Variants in CD6 observed in about 807,000 individuals in gnomAD.
CD6 encodes the protein CD6 molecule.
In CD6, 53 loss-of-function variants were observed where a neutral mutation model predicts 75.3. The observed-to-expected ratio is 0.70, with a 90% CI of 0.56 to 0.88. CD6 has a LOEUF of 0.88. Ranked by LOEUF, CD6 falls within the 40% of genes least tolerant of loss-of-function variation. The probability of loss-of-function intolerance (pLI) is 0.00; values close to 1 mark genes in which losing one functional copy is unlikely to be tolerated. For missense variants in CD6, 770 were observed against 897.1 expected, an observed-to-expected ratio of 0.86 and a Z score of 1.81; for synonymous variants, 359 against 381.5, an observed-to-expected ratio of 0.94 and a Z score of 0.69.
In CD6 at chr11:60,978,932, C is replaced by T. The variant is rs114623715; in HGVS notation, c.49+7018C>T. ...GAAATGTTAGCTTATAAATGCTCTA[C>T]AGCAAGACCAAAGATAATCCCTTGC... On this transcript the variant is annotated intron_variant, in intron 1 of 12. Transcript: ENST00000313421. Among the ~76,000 whole-genome samples, 770 of 152,324 alleles carry T rather than the reference C, an allele frequency of 5.1e-3. 11 individuals are homozygous for T. The highest frequency in any genetic ancestry group is 0.017 in the African/African-American group (723 of 41,570).
At chr11:60,979,710 C>T (rs1236791540) in intron 1 of CD6, among the ~76,000 whole-genome samples, 3 of 152,004 alleles carry the variant, frequency 2.0e-5, no homozygotes, top group Non-Finnish European at 4.4e-5. Context: ...TCAGGTGATC[C>T]ACCCGCCCGC....
In CD6 at chr11:61,008,517, C is replaced by T; in HGVS notation, c.470-17C>T. 1 of 1,566,472 alleles carries T rather than the reference C, an allele frequency of 6.4e-7. No individual in the cohort carries two copies. The stretch of plus-strand genomic sequence containing the variant: ...TGGTCGGGTGCCCCAGCATCCACAA[C>T]CCCCTCCCACCCCTAGAGAACCGCG... On this transcript the variant is annotated splice_polypyrimidine_tract_variant and intron_variant, in intron 3 of 12. Coordinates refer to ENST00000313421, the MANE Select transcript of CD6 (RefSeq NM_006725.5).
chr11:61,018,090 C>A, intron 11 of CD6, 77 bp downstream of exon 11: 1 of 1,545,294 alleles, frequency 6.5e-7, no homozygotes, highest in South Asian at 1.2e-5. Context: ...AGCCCTGAGT[C>A]AGGCTGAGGT....
intron 1 of CD6, among the ~76,000 whole-genome samples, chr11:60,976,830 G>A (rs534112267): frequency 2.6e-5 from 4 of 152,130 alleles, no homozygotes; most frequent in South Asian, 4.1e-4. Flanking sequence ...TACATCTGCC[G>A]TGCATCTGGC....
intron 1 of CD6, among the ~76,000 whole-genome samples, chr11:60,985,557 C>CT (rs1289799661): frequency 1.4e-5 from 2 of 143,378 alleles, no homozygotes; most frequent in African/African-American, 2.4e-5. Context: ...CAAACCAATA[C>CT]TACTTAAGTA....
chr11:60,995,612 C>A (rs898074418), intron 1 of CD6, among the ~76,000 whole-genome samples: 8 of 152,202 alleles, frequency 5.3e-5, no homozygotes, highest in Admixed American at 5.2e-4. Context: ...TGGCCCTCCT[C>A]TTCCAATTGG....
intron 1 of CD6, among the ~76,000 whole-genome samples, chr11:60,988,820 G>T (rs1857932730): frequency 6.6e-6 from 1 of 152,178 alleles, no homozygotes; most frequent in African/African-American, 2.4e-5. Context: ...CTGCAGCTCT[G>T]GGAGACCTAG....
chr11:61,007,489 T>C lies in CD6; in HGVS notation c.119-71T>C. On this transcript the variant is annotated intron_variant, in intron 2 of 12. Coordinates refer to ENST00000313421, the MANE Select transcript of CD6 (RefSeq NM_006725.5). This position sits in a 1 kb window ranked among gnomAD's most constrained non-coding sequence, Gnocchi z 4.2. Reference sequence around the variant, plus strand: ...GCGTTGTCAAAGTTCACGCACAGAGTCAGTGGCAGAGCCTGGGCAACCCTC... The same window carrying C: ...GCGTTGTCAAAGTTCACGCACAGAGCCAGTGGCAGAGCCTGGGCAACCCTC... 2.5e-6 allele frequency: 3 copies of C among 1,182,904 alleles called. No homozygotes were observed. The highest frequency in any genetic ancestry group is 3.3e-6 in the Non-Finnish European group (3 of 895,658). 73.3% of individuals were successfully genotyped at this position (1,182,904 alleles called of 1,614,324 possible). A position where few individuals can be genotyped will look rare whatever the true frequency, so the allele number is the denominator to read the frequency against.
chr11:61,015,910 A>G, intron 9 of CD6, 75 bp downstream of exon 9: 1 of 1,564,868 alleles, frequency 6.4e-7, no homozygotes, highest in South Asian at 1.1e-5. Context: ...CCGTCAGGTC[A>G]GTAGTCCCAC....
intron 1 of CD6, among the ~76,000 whole-genome samples, chr11:60,975,976 C>T (rs963857014): frequency 6.6e-6 from 1 of 152,104 alleles, no homozygotes; most frequent in East Asian, 1.9e-4. Flanking sequence ...TTAGAAAATG[C>T]TTTTAGAACT....
intron 1 of CD6, among the ~76,000 whole-genome samples, chr11:60,978,318 G>A (rs1209988391): frequency 6.6e-6 from 1 of 152,088 alleles, no homozygotes; most frequent in Admixed American, 6.5e-5. Flanking sequence ...CATTTCAGGG[G>A]CTCCCCAGTA....
At chr11:61,016,960 T>C (rs986360667) in intron 9 of CD6, 25 of 159,656 alleles carry the variant, frequency 1.6e-4, no homozygotes, top group South Asian at 6.9e-4. Flanking sequence ...CACAGTGCTA[T>C]AACATTGAAA....
chr11:61,007,262 G>A lies in CD6; in HGVS notation c.119-298G>A, dbSNP rs1359839377. Among the ~76,000 whole-genome samples the A allele has an allele frequency of 1.3e-5, 2 of 152,158 alleles. No homozygotes were observed. Among genetic ancestry groups the A allele is most frequent in the African/African-American group, 4.8e-5 (2 of 41,434 alleles). ...TCTTTCACAAACGGGTGCCCCTGGA[G>A]ACAGGAGCAAGTGAGGAGGGTTTCT... On this transcript the variant is annotated intron_variant, in intron 2 of 12. Coordinates refer to ENST00000313421, the MANE Select transcript of CD6 (RefSeq NM_006725.5). This position sits in a 1 kb window ranked among gnomAD's most constrained non-coding sequence, Gnocchi z 4.2.
intron 1 of CD6, among the ~76,000 whole-genome samples, chr11:60,978,380 C>T (rs764426380): frequency 5.3e-5 from 8 of 152,088 alleles, no homozygotes; most frequent in Non-Finnish European, 7.4e-5. Flanking sequence ...GGGGGGCACC[C>T]GAGTTCACCT....
rs1859283501 is a variant in CD6, at chr11:61,013,958, C to T, written c.1331C>T (p.Thr444Ile). 4 of 1,613,736 alleles carry T rather than the reference C, an allele frequency of 2.5e-6. No homozygotes were observed. In the South Asian group the frequency reaches 3.3e-5, roughly 13 times the overall value. ...VMVNHQHLPT[T>I]IPAGSNSYQP... ...GTGAACCACCAGCACCTACCCACCA[C>T]CATCCCGGCAGGGAGCAATAGCTAT... Residue 444 changes from threonine to isoleucine, a missense_variant, in exon 8 of 13, where the codon ACC becomes ATC. Thr to Ile is a moderately conservative substitution (Grantham distance 89, BLOSUM62 -1). Coordinates refer to ENST00000313421, the MANE Select transcript of CD6 (RefSeq NM_006725.5).
intron 6 of CD6, among the ~76,000 whole-genome samples, chr11:61,012,987 C>T (rs949454273): frequency 1.3e-5 from 2 of 152,178 alleles, no homozygotes; most frequent in Admixed American, 6.5e-5. Flanking sequence ...TCCATCACAG[C>T]GGGTGCCTCA....
intron 1 of CD6, among the ~76,000 whole-genome samples, chr11:60,987,723 ATC>A (rs760572606): frequency 0.46 from 69,612 of 151,724 alleles, 18,469 homozygotes; most frequent in East Asian, 0.88. Context: ...GTATCTTTCC[ATC>A]GATTTCTTAC....
At chr11:61,002,424 G>A (rs1315972862) in intron 1 of CD6, among the ~76,000 whole-genome samples, 2 of 152,124 alleles carry the variant, frequency 1.3e-5, no homozygotes, top group African/African-American at 2.4e-5. Flanking sequence ...GGGTGTGGTG[G>A]TGGGTGCCTG....
At chr11:60,994,465 A>ACAAAAAAAAAAAAAC (rs763067565) in intron 1 of CD6, among the ~76,000 whole-genome samples, 1 of 138,276 alleles carries the variant, frequency 7.2e-6, no homozygotes. Flanking sequence ...GCCAAAAAAA[A>ACAAAAAAAAAAAAAC]AAAAAAGCTG....
Sources: gnomAD v4.1 joint callset for allele counts (sites outside exome capture counted in the v4.1 genomes callset) on GRCh38, gnomAD v4.1.1 for gene constraint, Gnocchi (gnomAD v3.1) non-coding constraint, MANE v1.5 for transcripts, NCBI Gene and HGNC (gene_info 2026-07-23, HGNC 2026-07-21) for gene names.